Variants in CTNNA2 observed in about 807,000 individuals in gnomAD.
CTNNA2 encodes catenin alpha-2.
In CTNNA2, 42 loss-of-function variants were observed where a neutral mutation model predicts 101.0. That is an observed-to-expected ratio of 0.42 (90% confidence interval 0.32 to 0.54). The LOEUF is 0.54. Ranked by LOEUF, CTNNA2 falls within the 20% of genes least tolerant of loss-of-function variation. The pLI is 0.14. For missense variants in CTNNA2, 871 were observed against 1,223.1 expected (o/e 0.71, Z 4.29); for synonymous variants, 450 against 456.4 (o/e 0.99, Z 0.18).
intron 2 of CTNNA2, among the ~76,000 whole-genome samples, chr2:79,237,696 T>G (rs1674574612): frequency 6.6e-6 from 1 of 152,234 alleles, no homozygotes; most frequent in South Asian, 2.1e-4. Flanking sequence ...ACATCAGTAC[T>G]TGTTGCTTTA....
At chr2:79,467,626 A>G (rs1670953847) in intron 4 of CTNNA2, among the ~76,000 whole-genome samples, 2 of 152,204 alleles carry the variant, frequency 1.3e-5, no homozygotes, top group African/African-American at 4.8e-5. Flanking sequence ...GCAGCCAGAG[A>G]GAAAGGTTGG....
Position 80,180,127 on chromosome 2 carries a change from G to A in CTNNA2, c.1057-213084G>A, listed in dbSNP as rs1355886593. ...CTTTCCCCAGTGCACAGTTACCCTG[G>A]TAAAAGGCTGGAGATCTCCTTGGGC... On this transcript the variant is annotated intron_variant, in intron 7 of 18. Transcript: ENST00000402739. Among the ~76,000 whole-genome samples, 4 of 152,084 alleles carry A rather than the reference G, an allele frequency of 2.6e-5. No individual in the cohort carries two copies. In the East Asian group the frequency reaches 5.8e-4, roughly 22 times the overall value.
chr2:79,334,284 G>A (rs1182777296), intron 3 of CTNNA2, among the ~76,000 whole-genome samples: 1 of 152,000 alleles, frequency 6.6e-6, no homozygotes, highest in Non-Finnish European at 1.5e-5. Flanking sequence ...ACTTCCTCAA[G>A]GTCATAAAAC....
intron 16 of CTNNA2, 138 bp from the exon 17 acceptor site, chr2:80,608,046 A>G (rs1573442407): frequency 1.5e-6 from 1 of 668,224 alleles, no homozygotes; most frequent in South Asian, 3.5e-5. Context: ...TCTAAAATGC[A>G]CTGTGAAAAA....
intron 7 of CTNNA2, among the ~76,000 whole-genome samples, chr2:80,211,160 G>A (rs1707865449): frequency 6.6e-6 from 1 of 152,190 alleles, no homozygotes; most frequent in Non-Finnish European, 1.5e-5. Flanking sequence ...CTCCCATTGT[G>A]TAGGTTGCCT....
rs536267845 is a variant in CTNNA2, at chr2:79,443,159, G to T, written c.-134-61895G>T. The stretch of plus-strand genomic sequence containing the variant: ...AAAGATAAAAACAAAGAGATATATC[G>T]TGAAGAATTCTGACAAAATTATGGA... On this transcript the variant is annotated intron_variant, in intron 4 of 21. Transcript: ENST00000466387. Among the ~76,000 whole-genome samples the T allele has an allele frequency of 2.0e-4, 30 of 152,188 alleles. No individual in the cohort carries two copies. In the South Asian group the frequency reaches 3.7e-3, roughly 19 times the overall value.
chr2:79,851,809 T>G (rs1379937130), intron 3 of CTNNA2, among the ~76,000 whole-genome samples: 2 of 145,790 alleles, frequency 1.4e-5, no homozygotes, highest in African/African-American at 5.0e-5. Flanking sequence ...TGGTATGATC[T>G]CTGCTTACTG....
chr2:80,596,458 C>T (rs1212990494), intron 15 of CTNNA2, among the ~76,000 whole-genome samples: 43 of 150,570 alleles, frequency 2.9e-4, no homozygotes, highest in African/African-American at 1.2e-4. Context: ...TACAGGTGCC[C>T]GCCACCATGC....
intron 7 of CTNNA2, among the ~76,000 whole-genome samples, chr2:79,991,228 C>T (rs891053318): frequency 6.6e-6 from 1 of 151,998 alleles, no homozygotes; most frequent in South Asian, 2.1e-4. Flanking sequence ...AAAACCAGCT[C>T]CTGGATTCAT....
At position 79,928,885 on chromosome 2, in the gene CTNNA2, A is replaced by G. The variant is rs140557806; in HGVS notation, c.1056+19088A>G. Among the ~76,000 whole-genome samples the G allele has an allele frequency of 5.2e-3, 790 of 152,332 alleles. 5 individuals are homozygous for G. Among genetic ancestry groups the G allele is most frequent in the African/African-American group, 0.018 (743 of 41,572 alleles). ...ATAGTTACCTATTAACTATAAATATAACTAAAAATAGTTAATAGTTAATAC... is the reference window on the plus strand; with the variant it reads ...ATAGTTACCTATTAACTATAAATATGACTAAAAATAGTTAATAGTTAATAC... On this transcript the variant is annotated intron_variant, in intron 7 of 18. Coordinates refer to ENST00000402739, the MANE Select transcript of CTNNA2 (RefSeq NM_001282597.3).
chr2:80,608,094 GA>G (rs1698174239), intron 16 of CTNNA2, 89 bp from the exon 17 acceptor site: 1 of 1,348,606 alleles, frequency 7.4e-7, no homozygotes, highest in Admixed American at 1.9e-5. Context: ...ATATGACACT[GA>G]AAACTTTTCT....
rs531067001 is a variant in CTNNA2, at chr2:80,140,842, T to C, written c.1056+231045T>C. Among the ~76,000 whole-genome samples the C allele has an allele frequency of 2.6e-5, 4 of 152,168 alleles. No homozygotes were observed. In the South Asian group the frequency reaches 6.2e-4, roughly 24 times the overall value. On this transcript the variant is annotated intron_variant, in intron 7 of 18. Transcript: ENST00000402739. ...CCCCATCATATCCATCCCAAACTGA[T>C]TGCGAGTAGATTAAGGTTATAGGGA...
chr2:80,547,880 CG>C (rs1692224027), intron 11 of CTNNA2, among the ~76,000 whole-genome samples: 1 of 151,748 alleles, frequency 6.6e-6, no homozygotes, highest in Non-Finnish European at 1.5e-5. Flanking sequence ...GTAGTAGAGA[CG>C]GGGTTTCTCC....
chr2:79,407,591 T>A (rs1678353769), intron 4 of CTNNA2, among the ~76,000 whole-genome samples: 1 of 151,898 alleles, frequency 6.6e-6, no homozygotes, highest in Non-Finnish European at 1.5e-5. Flanking sequence ...TAGTACCCTC[T>A]AGCAATGAAG....
intron 7 of CTNNA2, among the ~76,000 whole-genome samples, chr2:80,026,921 G>A (rs1694965494): frequency 6.6e-6 from 1 of 152,090 alleles, no homozygotes; most frequent in Non-Finnish European, 1.5e-5. Flanking sequence ...CTGGCATCTG[G>A]GAATTCAGCC....
intron 12 of CTNNA2, among the ~76,000 whole-genome samples, chr2:80,562,586 T>A (rs1340741655): frequency 6.6e-6 from 1 of 152,200 alleles, no homozygotes; most frequent in Non-Finnish European, 1.5e-5. Flanking sequence ...GCAATCTCAC[T>A]TTTAAAAATC....
At chr2:79,778,347 A>AT (rs1674149662) in intron 3 of CTNNA2, among the ~76,000 whole-genome samples, 8 of 152,148 alleles carry the variant, frequency 5.3e-5, no homozygotes, top group Admixed American at 5.2e-4. Flanking sequence ...TCCATCAAAA[A>AT]AAAAAATAAA....
At chr2:79,516,731 G>C (rs1250556081) in intron 1 of CTNNA2, among the ~76,000 whole-genome samples, 2 of 152,114 alleles carry the variant, frequency 1.3e-5, no homozygotes, top group Non-Finnish European at 2.9e-5. Context: ...TCATAGTGAG[G>C]ACCCAGAATA....
At chr2:80,019,884 A>G (rs937439294) in intron 7 of CTNNA2, among the ~76,000 whole-genome samples, 9 of 152,208 alleles carry the variant, frequency 5.9e-5, no homozygotes, top group African/African-American at 2.2e-4. Flanking sequence ...TGGAGTAACT[A>G]TAGTCTCTGT....
Sources: gnomAD v4.1 joint callset for allele counts (sites outside exome capture counted in the v4.1 genomes callset) on GRCh38, gnomAD v4.1.1 for gene constraint, MANE v1.5 for transcripts, NCBI Gene and HGNC (gene_info 2026-07-23, HGNC 2026-07-21) for gene names.